Variants in B9D1 observed in about 807,000 individuals in gnomAD.
B9D1 encodes B9 domain-containing protein 1.
A neutral mutation model predicts 26.1 loss-of-function variants in B9D1; 20 were observed. The ratio of observed to expected loss-of-function variants is 0.77; its 90% CI spans 0.54 to 1.12. The LOEUF (loss-of-function observed/expected upper bound fraction) is 1.12. B9D1 is among the 50% of genes most tolerant of loss of function. The pLI is 0.00. For synonymous variants in B9D1, 105 were observed against 103.1 expected (o/e 1.02, Z -0.11); for missense variants, 260 against 273.7 (o/e 0.95, Z 0.35).
At chr17:19,349,681 C>G (rs1450802879) in intron 3 of B9D1, among the ~76,000 whole-genome samples, 1 of 152,160 alleles carries the variant, frequency 6.6e-6, no homozygotes, top group Non-Finnish European at 1.5e-5. Context: ...CTTGCCTGGC[C>G]TGGCCTTTTT....
intron 5 of B9D1, chr17:19,344,708 CCCGCGGCCTCT>C (rs770242477): frequency 1.8e-5 from 3 of 162,840 alleles, no homozygotes; most frequent in Non-Finnish European, 4.1e-5. Context: ...CACCGCCCTC[CCCGCGGCCTCT>C]CCGTCTCTGA....
At chr17:19,338,586 G>A (rs1055200783), downstream of B9D1, among the ~76,000 whole-genome samples, 1 of 152,238 alleles carries the variant, frequency 6.6e-6, no homozygotes, top group Non-Finnish European at 1.5e-5. Context: ...GTGGCCATAT[G>A]ACTAGATGGG....
downstream of B9D1, chr17:19,343,021 C>A: frequency 8.2e-7 from 1 of 1,214,674 alleles, no homozygotes; most frequent in Non-Finnish European, 1.1e-6. Context: ...TCCCACATGC[C>A]ATCCTGCTGC....
At chr17:19,358,213 C>T (rs1910609071) in intron 2 of B9D1, among the ~76,000 whole-genome samples, 2 of 152,178 alleles carry the variant, frequency 1.3e-5, no homozygotes, top group Admixed American at 1.3e-4. Flanking sequence ...GCTCTTGCCC[C>T]ACTGAAGGAA....
chr17:19,349,411 G>T (rs928065955), intron 3 of B9D1, among the ~76,000 whole-genome samples: 3 of 150,838 alleles, frequency 2.0e-5, no homozygotes, highest in Non-Finnish European at 2.9e-5. Flanking sequence ...TTTGAGACAG[G>T]GTCTTGCTCT....
At chr17:19,358,404 C>A (rs941223876) in intron 2 of B9D1, among the ~76,000 whole-genome samples, 5 of 152,214 alleles carry the variant, frequency 3.3e-5, no homozygotes, top group African/African-American at 1.2e-4. Flanking sequence ...AGCAAAACTG[C>A]CTCAAAGAGC....
chr17:19,355,711 G>A (rs1910259264), intron 3 of B9D1, among the ~76,000 whole-genome samples: 1 of 151,970 alleles, frequency 6.6e-6, no homozygotes, highest in Non-Finnish European at 1.5e-5. Context: ...GTGGGTGCCT[G>A]TAGTCCCAGC....
chr17:19,375,027 T>C (rs1194675261), intron 1 of B9D1, among the ~76,000 whole-genome samples: 1 of 152,230 alleles, frequency 6.6e-6, no homozygotes, highest in Non-Finnish European at 1.5e-5. Context: ...CGGTGGCTCA[T>C]GCCTGTAATC....
At position 19,362,199 on chromosome 17, in the gene B9D1, C is replaced by A. The variant is rs575859203; in HGVS notation, c.63+308G>T. ...CCAAGCCTCGGCTCCTCGCGTTAAC[C>A]CCAGGAGGCTCCTGCCAGTGATCCA... On this transcript the variant is annotated intron_variant, in intron 1 of 6. Coordinates refer to ENST00000261499, the MANE Select transcript of B9D1 (RefSeq NM_015681.6). Among the ~76,000 whole-genome samples, 209 of 152,366 alleles carry A rather than the reference C, an allele frequency of 1.4e-3. 2 individuals are homozygous for A. The South Asian group carries it at 0.021, about 15-fold the overall frequency.
chr17:19,357,886 C>A lies in B9D1; in HGVS notation c.198G>T (p.Trp66Cys), dbSNP rs376644690. ...TAAAGGTGACATCAATGGGGAAGTT[C>A]CACACCAGTGCTTGCCGCACATCTT... is the stretch of plus-strand genomic sequence containing the variant. Reference protein sequence around the residue: ...KSQDVRQALVWNFPIDVTFKS... With the variant: ...KSQDVRQALVCNFPIDVTFKS... The change falls in exon 3 of 7, where the codon TGG becomes TGT. Residue 66 changes from tryptophan to cysteine, a missense_variant. Coordinates refer to ENST00000261499, the MANE Select transcript of B9D1 (RefSeq NM_015681.6). The A allele has an allele frequency of 6.2e-7, 1 of 1,613,982 alleles. No homozygotes were observed. The highest frequency in any genetic ancestry group is 8.5e-7 in the Non-Finnish European group (1 of 1,180,010).
chr17:19,339,809 G>C (rs1907750649), downstream of B9D1, among the ~76,000 whole-genome samples: 1 of 152,226 alleles, frequency 6.6e-6, no homozygotes, highest in Admixed American at 6.5e-5. Flanking sequence ...AGACCTCTCA[G>C]TGGTGAAGAT....
downstream of B9D1, chr17:19,334,927 T>C (rs1907330919): frequency 6.5e-6 from 1 of 154,000 alleles, no homozygotes; most frequent in Admixed American, 6.5e-5. The surrounding 1 kb of genome is among the most constrained non-coding windows in gnomAD (Gnocchi z 4.9). Flanking sequence ...TTGGCTAATA[T>C]TTTTATAACG....
chr17:19,341,009 C>A (rs1013046370), downstream of B9D1: 7 of 568,786 alleles, frequency 1.2e-5, no homozygotes, highest in African/African-American at 9.8e-5. Context: ...TATACAAGTA[C>A]GGAACAGGAA....
chr17:19,357,657 G>C, intron 3 of B9D1, 183 bp downstream of exon 3: 1 of 649,940 alleles, frequency 1.5e-6, no homozygotes, highest in South Asian at 1.7e-5. Context: ...AAGGGGGTGA[G>C]TGGGGATGAG....
At chr17:19,377,240 A>G (rs1056021631) in intron 1 of B9D1, among the ~76,000 whole-genome samples, 1 of 152,216 alleles carries the variant, frequency 6.6e-6, no homozygotes, top group African/African-American at 2.4e-5. Flanking sequence ...CTTGGTTCAC[A>G]TAGGTTTCTT....
Position 19,343,298 on chromosome 17 carries a change from ACTGTGCAGC to A in B9D1, c.*12_*20del, listed in dbSNP as rs1213805353. On this transcript the variant is annotated 3_prime_UTR_variant, in exon 7 of 7. Coordinates refer to ENST00000261499, the MANE Select transcript of B9D1 (RefSeq NM_015681.6). ...GGAAGGCAGCCCTTCATTATCAGAG[ACTGTGCAGC>A]CTGTGGAGCCTTCACTGGGGGAAGC... is the stretch of plus-strand genomic sequence containing the variant. 2.4e-5 allele frequency: 39 copies of A among 1,613,974 alleles called. No individual in the cohort carries two copies. Among genetic ancestry groups the A allele is most frequent in the East Asian group, 4.5e-5 (2 of 44,884 alleles).
downstream of B9D1, chr17:19,342,909 A>G (rs1908138713): frequency 4.2e-6 from 1 of 236,228 alleles, no homozygotes; most frequent in African/African-American, 2.3e-5. Flanking sequence ...CCAAGCCTCT[A>G]AGGAGGGTGC....
At chr17:19,350,870 GCT>G (rs1360310658) in intron 3 of B9D1, among the ~76,000 whole-genome samples, 1 of 145,960 alleles carries the variant, frequency 6.9e-6, no homozygotes, top group African/African-American at 2.5e-5. Context: ...ATGGAGTCTT[GCT>G]CTGTCACTCA....
upstream of B9D1, chr17:19,363,629 T>C (rs1911402279): frequency 1.3e-5 from 2 of 152,180 alleles, no homozygotes; most frequent in Admixed American, 6.5e-5. Flanking sequence ...AAAGGAGACG[T>C]TGGAGACATT....
Sources: gnomAD v4.1 joint callset for allele counts (sites outside exome capture counted in the v4.1 genomes callset) on GRCh38, gnomAD v4.1.1 for gene constraint, Gnocchi (gnomAD v3.1) non-coding constraint, MANE v1.5 for transcripts, NCBI Gene and HGNC (gene_info 2026-07-23, HGNC 2026-07-21) for gene names.